The following MGAM2 variants were observed in gnomAD, a reference collection of about 807,000 sequenced individuals.
MGAM2 encodes the protein maltase-glucoamylase 2 (putative).
A neutral mutation model predicts 96.1 loss-of-function variants in MGAM2; 98 were observed. The ratio of observed to expected loss-of-function variants is 1.02; its 90% CI spans 0.87 to 1.21. MGAM2 has a LOEUF of 1.21. Ranked by LOEUF, MGAM2 falls within the 50% of genes most tolerant of loss-of-function variation. The pLI is 0.00. For missense variants in MGAM2, 2,055 were observed against 1,182.4 expected (o/e 1.74, Z -10.82); for synonymous variants, 749 against 414.8 (o/e 1.81, Z -9.79).
intron 26 of MGAM2, 32 bp from the exon 27 acceptor site, chr7:142,170,043 T>C (rs916183209): frequency 1.5e-6 from 1 of 685,494 alleles, no homozygotes; most frequent in African/African-American, 1.8e-5. Context: ...TCTGAGACCC[T>C]AACAGAAAGT....
chr7:142,205,172 C>T lies in MGAM2; in HGVS notation c.5138-3401C>T, dbSNP rs148231671. Among the ~76,000 whole-genome samples, 221 of 152,180 alleles carry T rather than the reference C, an allele frequency of 1.5e-3. 2 individuals carry two copies. The highest frequency in any genetic ancestry group is 5.2e-3 in the African/African-American group (214 of 41,550). On this transcript the variant is annotated intron_variant, in intron 45 of 47. Transcript: ENST00000477922. ...CTGCAGACTGTTTTTGTTGTCAGAT[C>T]ATGACAAGTGCTTGGTATATATCCA...
intron 37 of MGAM2, among the ~76,000 whole-genome samples, chr7:142,190,059 A>G (rs1276567220): frequency 2.0e-5 from 3 of 151,516 alleles, no homozygotes; most frequent in Non-Finnish European, 2.9e-5. Flanking sequence ...CTATCTACCA[A>G]TGAGTGAACA....
intron 45 of MGAM2, among the ~76,000 whole-genome samples, chr7:142,201,322 G>A (rs6962841): frequency 0.71 from 108,007 of 151,704 alleles, 38,512 homozygotes; most frequent in Admixed American, 0.74. Flanking sequence ...CACCCACCTC[G>A]GCCTCCCAAA....
intron 33 of MGAM2, 80 bp from the exon 34 acceptor site, chr7:142,184,997 T>TG (rs1796650892): frequency 4.8e-6 from 3 of 619,154 alleles, no homozygotes; most frequent in Non-Finnish European, 8.8e-6. Context: ...ATGCCTGTCA[T>TG]CAGAGTCTAA....
At chr7:142,158,460 G>A (rs1156689165) in intron 19 of MGAM2, 128 bp downstream of exon 19, 2 of 570,782 alleles carry the variant, frequency 3.5e-6, no homozygotes, top group Non-Finnish European at 6.2e-6. Flanking sequence ...GAGAGCTCAT[G>A]AAAGTTTAGA....
At chr7:142,137,573 A>G (rs1450524276) in intron 9 of MGAM2, 28 bp downstream of exon 9, 1 of 684,442 alleles carries the variant, frequency 1.5e-6, no homozygotes, top group Non-Finnish European at 2.7e-6. Flanking sequence ...GATAGTCATT[A>G]TTTACTGCTG....
chr7:142,201,071 C>CTTTTTTTTTTTTTTTTTTTTTTTTTTT lies in MGAM2; in HGVS notation c.5137+1113_5137+1114insTTTTTTTTTTTTTTTTTTTTTTTTTTT, dbSNP rs72092512. Among the ~76,000 whole-genome samples the CTTTTTTTTTTTTTTTTTTTTTTTTTTT allele has an allele frequency of 1.2e-4, 10 of 84,360 alleles. 1 individual carries two copies. The highest frequency in any genetic ancestry group is 3.2e-4 in the African/African-American group (6 of 19,018). 55.3% of individuals were successfully genotyped at this position (84,360 alleles called of 152,430 possible). A position where few individuals can be genotyped will look rare whatever the true frequency, so the allele number is the denominator to read the frequency against. On this transcript the variant is annotated intron_variant, in intron 45 of 47. Coordinates refer to ENST00000477922, the MANE Select transcript of MGAM2 (RefSeq NM_001293626.2). The stretch of plus-strand genomic sequence containing the variant: ...CATTGTTATAAATAACATCCTTTTT[C>CTTTTTTTTTTTTTTTTTTTTTTTTTTT]TTTTTTTTTTCTTTTTTTTTTTTTT...
intron 12 of MGAM2, among the ~76,000 whole-genome samples, chr7:142,142,090 T>C (rs1409291870): frequency 6.6e-6 from 1 of 152,202 alleles, no homozygotes; most frequent in Admixed American, 6.5e-5. Flanking sequence ...TTCAGGGTTA[T>C]GGATGATCCC....
intron 37 of MGAM2, among the ~76,000 whole-genome samples, chr7:142,190,267 CTTTT>C (rs58228482): frequency 0.22 from 22,963 of 103,356 alleles, 1,510 homozygotes; most frequent in Non-Finnish European, 0.26. Context: ...TACCATTTTA[CTTTT>C]TTTTTTTTTT....
In MGAM2 at chr7:142,158,083, T is replaced by G; in HGVS notation, c.2070T>G (p.Leu690=). 1.4e-6 allele frequency: 1 copy of G among 701,944 alleles called. No homozygotes were observed. The highest frequency in any genetic ancestry group is 2.7e-5 in the East Asian group (1 of 37,280). The allele number at this position is 701,944 out of a possible 1,614,324, so 43.5% of individuals were successfully genotyped here. A position where few individuals can be genotyped will look rare whatever the true frequency, so the allele number is the denominator to read the frequency against. The change falls in exon 18 of 48, where the codon CTT becomes CTG. Residue 690 remains leucine (L), a synonymous_variant. Transcript: ENST00000477922. The part of the protein sequence containing the change: ...HTRGETVARP[L]VHEFYQDSAT... ...GGGGAGAGACGGTAGCAAGGCCCCT[T>G]GTACATGAGTGAGTTTCCTGATTCT...
Position 142,199,906 on chromosome 7 carries a change from T to C in MGAM2, c.5075T>C (p.Val1692Ala). The C allele has an allele frequency of 1.4e-6, 1 of 694,742 alleles. No individual in the cohort carries two copies. 43.0% of individuals were successfully genotyped at this position (694,742 alleles called of 1,614,324 possible). A position where few individuals can be genotyped will look rare whatever the true frequency, so the allele number is the denominator to read the frequency against. The change falls in exon 45 of 48, where the codon GTT (valine) becomes GCT (alanine). Residue 1692 changes from valine to alanine, a missense_variant. Physicochemically the swap from Val to Ala is moderately conservative, Grantham distance 64. Coordinates refer to ENST00000477922, the MANE Select transcript of MGAM2 (RefSeq NM_001293626.2). ...CGACAAAATTTTATGGGATTGATTGTTGCTTTGGATGACAATGGGACAGCT... is the reference window on the plus strand; with the variant it reads ...CGACAAAATTTTATGGGATTGATTGCTGCTTTGGATGACAATGGGACAGCT... Reference protein sequence around the residue: ...SSRQNFMGLIVALDDNGTAEG... With the variant: ...SSRQNFMGLIAALDDNGTAEG...
At chr7:142,170,605 G>T (rs1796156747) in intron 27 of MGAM2, among the ~76,000 whole-genome samples, 2 of 152,114 alleles carry the variant, frequency 1.3e-5, no homozygotes, top group Non-Finnish European at 1.5e-5. Flanking sequence ...AGGTTAAAAA[G>T]GAGAAAGAAA....
intron 46 of MGAM2, 57 bp downstream of exon 46, chr7:142,208,679 A>T (rs1234327914): frequency 2.9e-6 from 2 of 687,652 alleles, no homozygotes; most frequent in Non-Finnish European, 5.3e-6. Context: ...CAGATTAAAC[A>T]TTACAGTTAA....
At chr7:142,200,920 C>A (rs556438936) in intron 45 of MGAM2, among the ~76,000 whole-genome samples, 3 of 151,698 alleles carry the variant, frequency 2.0e-5, no homozygotes, top group African/African-American at 7.3e-5. Flanking sequence ...TTTGTGAATC[C>A]TGTTTATTTT....
At chr7:142,127,624 C>A (rs1489846612) in intron 3 of MGAM2, among the ~76,000 whole-genome samples, 1 of 152,044 alleles carries the variant, frequency 6.6e-6, no homozygotes, top group East Asian at 1.9e-4. Context: ...AATCATGGGG[C>A]ACTTTCCCCC....
At position 142,166,100 on chromosome 7, in the gene MGAM2, G is replaced by A. The variant is rs1295439358; in HGVS notation, c.2655G>A (p.Val885=). The A allele has an allele frequency of 2.9e-6, 2 of 691,546 alleles. No individual in the cohort carries two copies. Among genetic ancestry groups the A allele is most frequent in the Admixed American group, 4.1e-5 (2 of 48,580 alleles). The allele number at this position is 691,546 out of a possible 1,614,324, so 42.8% of individuals were successfully genotyped here. ...PSVVYNASTK[V]VTITDLQGLV... Reference sequence around the variant, plus strand: ...ACTGTGACTGTCTCTTTCCCCAGGTGGTAACCATCACTGATCTCCAAGGAC... The same window carrying A: ...ACTGTGACTGTCTCTTTCCCCAGGTAGTAACCATCACTGATCTCCAAGGAC... Residue 885 remains valine (V), a splice_region_variant and synonymous_variant, in exon 25 of 48, where the codon GTG becomes GTA. Transcript: ENST00000477922.
chr7:142,139,147 T>C (rs898878678), intron 10 of MGAM2, among the ~76,000 whole-genome samples: 2 of 152,182 alleles, frequency 1.3e-5, no homozygotes, highest in Non-Finnish European at 2.9e-5. Context: ...TTTCTCACGG[T>C]GACCTCATAT....
intron 35 of MGAM2, 41 bp from the exon 36 acceptor site, chr7:142,187,709 C>A (rs1467198295): frequency 1.4e-6 from 1 of 699,696 alleles, no homozygotes; most frequent in Non-Finnish European, 2.6e-6. Context: ...GGCCATCCTG[C>A]CCCTGACATG....
intron 22 of MGAM2, 55 bp downstream of exon 22, chr7:142,161,268 TA>T (rs777488745): frequency 7.2e-6 from 5 of 696,216 alleles, no homozygotes; most frequent in Non-Finnish European, 1.3e-5. Flanking sequence ...CCCTGAAAAT[TA>T]GTCATCATAG....
Sources: gnomAD v4.1 joint callset for allele counts (sites outside exome capture counted in the v4.1 genomes callset) on GRCh38, gnomAD v4.1.1 for gene constraint, MANE v1.5 for transcripts, NCBI Gene and HGNC (gene_info 2026-07-23, HGNC 2026-07-21) for gene names.